Variants in MREG observed in about 807,000 individuals in gnomAD.
The protein encoded by MREG is dilute suppressor protein homolog.
In MREG, 31 loss-of-function variants were observed where a neutral mutation model predicts 28.5. The ratio of observed to expected loss-of-function variants is 1.09; its 90% CI spans 0.82 to 1.47. The LOEUF (loss-of-function observed/expected upper bound fraction) is 1.47. MREG is among the 40% of genes most tolerant of loss of function. The probability of loss-of-function intolerance (pLI) is 0.00; values close to 1 mark genes in which losing one functional copy is unlikely to be tolerated. For missense variants in MREG, 256 were observed against 257.4 expected (o/e 0.99, Z 0.04); for synonymous variants, 106 against 95.2 (o/e 1.11, Z -0.66).
chr2:216,030,940 TCTCTCTCTCTCTCTCTCACACA>T (rs1250007713), intron 1 of MREG, among the ~76,000 whole-genome samples: 4,416 of 72,358 alleles, frequency 0.061, 84 homozygotes, highest in Non-Finnish European at 0.097. Context: ...TCTCTCTCTC[TCTCTCTCTCTCTCTCTCACACA>T]CACACACACA....
At chr2:216,025,725 T>C (rs1694585439) in intron 1 of MREG, among the ~76,000 whole-genome samples, 2 of 152,214 alleles carry the variant, frequency 1.3e-5, no homozygotes, top group African/African-American at 4.8e-5. Flanking sequence ...GCTAGGGCCG[T>C]GTCGGGCAAC....
At chr2:216,026,981 C>T (rs934871899) in intron 1 of MREG, among the ~76,000 whole-genome samples, 4 of 152,182 alleles carry the variant, frequency 2.6e-5, no homozygotes, top group Non-Finnish European at 5.9e-5. Flanking sequence ...TGAGAGATAA[C>T]TTCTGTCTAC....
At position 215,954,448 on chromosome 2, in the gene MREG, AC is replaced by A. The variant is rs1559175309; in HGVS notation, c.256-7336del. ...TTATTGTATTTGATCTGTGTACAAC[AC>A]ACACACACACACACACACACACACA... On this transcript the variant is annotated intron_variant, in intron 2 of 4. Transcript: ENST00000263268. Among the ~76,000 whole-genome samples, 716 of 143,260 alleles carry A rather than the reference AC, an allele frequency of 5.0e-3. 10 individuals carry two copies. The highest frequency in any genetic ancestry group is 0.018 in the African/African-American group (673 of 38,340). The allele number at this position is 143,260 out of a possible 152,430, so 94.0% of individuals were successfully genotyped here. A position where few individuals can be genotyped will look rare whatever the true frequency, so the allele number is the denominator to read the frequency against.
Position 215,953,707 on chromosome 2 carries a change from T to C in MREG, c.256-6594A>G, listed in dbSNP as rs560974371. 1.1e-3 allele frequency among the ~76,000 whole-genome samples: 163 copies of C among 152,328 alleles called. 1 individual carries two copies. Among genetic ancestry groups the C allele is most frequent in the African/African-American group, 3.5e-3 (147 of 41,576 alleles). On this transcript the variant is annotated intron_variant, in intron 2 of 4. Transcript: ENST00000263268. ...TGGATATCCTGAGACTCTGGGTCAATTCTCATCTGAAGTCAGACCTACTTC... is the reference window on the plus strand; with the variant it reads ...TGGATATCCTGAGACTCTGGGTCAACTCTCATCTGAAGTCAGACCTACTTC...
At chr2:215,941,562 T>A (rs528743011), downstream of MREG, 3 of 152,342 alleles carry the variant, frequency 2.0e-5, no homozygotes, top group South Asian at 4.1e-4. Flanking sequence ...AGGGACATCA[T>A]TGCCATACAC....
intron 1 of MREG, among the ~76,000 whole-genome samples, chr2:216,028,485 G>A (rs188890855): frequency 5.2e-5 from 7 of 133,586 alleles, no homozygotes; most frequent in South Asian, 2.4e-4. Flanking sequence ...CCGAGATCGC[G>A]CCACTGCACT....
chr2:215,996,478 A>G lies in MREG; in HGVS notation c.96-13T>C. ...TGGATTGTTATCACTGTTGTATAAA[A>G]AAAGGAAAGATTGGGGTTTTATAAT... On this transcript the variant is annotated splice_polypyrimidine_tract_variant and intron_variant, in intron 1 of 4. Transcript: ENST00000263268. 6.3e-7 allele frequency: 1 copy of G among 1,599,120 alleles called. No homozygotes were observed. The highest frequency in any genetic ancestry group is 8.5e-7 in the Non-Finnish European group (1 of 1,173,312).
chr2:215,973,772 G>C (rs1178457039), intron 2 of MREG, among the ~76,000 whole-genome samples: 4 of 152,180 alleles, frequency 2.6e-5, no homozygotes, highest in Non-Finnish European at 5.9e-5. Context: ...GCTGCAACAG[G>C]CTGACTCCCA....
intron 2 of MREG, among the ~76,000 whole-genome samples, chr2:215,956,232 T>A (rs1295015389): frequency 2.0e-5 from 3 of 152,146 alleles, no homozygotes; most frequent in African/African-American, 7.2e-5. Flanking sequence ...AACCAAATGT[T>A]CCAAATCTAC....
chr2:216,016,386 T>A (rs193138580), upstream of MREG, among the ~76,000 whole-genome samples: 1 of 152,342 alleles, frequency 6.6e-6, no homozygotes, highest in Non-Finnish European at 1.5e-5. Context: ...TCCCAAAATG[T>A]GAACTCAGCT....
chr2:215,943,564 G>C lies in MREG; in HGVS notation c.*1299C>G, dbSNP rs943922137. 2.2e-6 allele frequency: 1 copy of C among 451,352 alleles called. No homozygotes were observed. The highest frequency in any genetic ancestry group is 7.0e-5 in the East Asian group (1 of 14,346). 28.0% of individuals were successfully genotyped at this position (451,352 alleles called of 1,614,324 possible). On this transcript the variant is annotated 3_prime_UTR_variant, in exon 5 of 5. Transcript: ENST00000263268. Reference sequence around the variant, plus strand: ...CAGATAAAATGCCAAGGGCTTGGCCGGGCGCGGTGACTCACGCCTGTAATC... The same window carrying C: ...CAGATAAAATGCCAAGGGCTTGGCCCGGCGCGGTGACTCACGCCTGTAATC...
intron 1 of MREG, among the ~76,000 whole-genome samples, chr2:216,030,392 G>A (rs1694661756): frequency 6.6e-6 from 1 of 152,144 alleles, no homozygotes; most frequent in Non-Finnish European, 1.5e-5. Flanking sequence ...ACCTGTTCAT[G>A]CCAGTTTCCT....
At chr2:215,955,614 T>G (rs552183086) in intron 2 of MREG, among the ~76,000 whole-genome samples, 1 of 152,366 alleles carries the variant, frequency 6.6e-6, no homozygotes, top group Non-Finnish European at 1.5e-5. Flanking sequence ...ATGACTGTTG[T>G]CTCTTTCCTT....
In MREG at chr2:215,944,487, C is replaced by T. The variant is rs1692269909; in HGVS notation, c.*376G>A. Reference sequence around the variant, plus strand: ...CATTTTGGGACTCAATGACAGCTCTCTCTATTAATCATATTGTTTTATTAA... The same window carrying T: ...CATTTTGGGACTCAATGACAGCTCTTTCTATTAATCATATTGTTTTATTAA... On this transcript the variant is annotated 3_prime_UTR_variant, in exon 5 of 5. Transcript: ENST00000263268. 1.3e-5 allele frequency: 2 copies of T among 158,060 alleles called. No homozygotes were observed. The highest frequency in any genetic ancestry group is 4.8e-5 in the African/African-American group (2 of 41,614). The allele number at this position is 158,060 out of a possible 1,614,324, so 9.8% of individuals were successfully genotyped here. A position where few individuals can be genotyped will look rare whatever the true frequency, so the allele number is the denominator to read the frequency against.
At chr2:215,994,567 A>C (rs1693809801) in intron 2 of MREG, among the ~76,000 whole-genome samples, 1 of 150,396 alleles carries the variant, frequency 6.6e-6, no homozygotes, top group South Asian at 2.1e-4. Flanking sequence ...TTTAAAAAAA[A>C]AGAGGGAGAA....
In MREG at chr2:215,996,338, C is replaced by T. The variant is rs1459399938; in HGVS notation, c.223G>A (p.Val75Ile). The T allele has an allele frequency of 6.2e-7, 1 of 1,613,762 alleles. No individual in the cohort carries two copies. The highest frequency in any genetic ancestry group is 2.2e-5 in the East Asian group (1 of 44,896). ...DDDRTLYNLI[V>I]IRNQQAKDSE... The stretch of plus-strand genomic sequence containing the variant: ...TCTTTGGCCTGCTGATTACGAATGA[C>T]TATCAAATTGTACAGGGTTCTGTCG... The change falls in exon 2 of 5, where the codon GTC becomes ATC. Residue 75 changes from valine (V) to isoleucine (I), a missense_variant. Coordinates refer to ENST00000263268, the MANE Select transcript of MREG (RefSeq NM_018000.3).
At chr2:215,968,396 C>T (rs1271399427) in intron 2 of MREG, among the ~76,000 whole-genome samples, 1 of 152,156 alleles carries the variant, frequency 6.6e-6, no homozygotes, top group Non-Finnish European at 1.5e-5. Flanking sequence ...ACAACAGAAC[C>T]CCAACATAAA....
chr2:215,956,009 CA>C (rs1365475830), intron 2 of MREG, among the ~76,000 whole-genome samples: 3 of 151,866 alleles, frequency 2.0e-5, no homozygotes, highest in African/African-American at 7.3e-5. Context: ...TCAAAGATCA[CA>C]AAAGTAGAAA....
chr2:215,949,518 G>A (rs1024159387), intron 2 of MREG, among the ~76,000 whole-genome samples: 1 of 150,808 alleles, frequency 6.6e-6, no homozygotes, highest in African/African-American at 2.4e-5. Flanking sequence ...CCGAGATCAC[G>A]CCTGTGCACT....
Sources: allele counts gnomAD v4.1 joint callset (sites outside exome capture counted in the v4.1 genomes callset), GRCh38; gene constraint gnomAD v4.1.1; transcripts MANE v1.5; gene names NCBI Gene and HGNC (gene_info 2026-07-23, HGNC 2026-07-21).